The following DGKI variants were observed in gnomAD, a reference collection of about 807,000 sequenced individuals.
DGKI encodes the protein DAG kinase iota.
Under a neutral mutation model 147.5 loss-of-function variants are expected in DGKI, and 55 were observed. That is an observed-to-expected ratio of 0.37 (90% CI 0.30 to 0.47). The LOEUF (loss-of-function observed/expected upper bound fraction) is 0.47, where lower values mean the gene tolerates loss of function less well. Ranked by LOEUF, DGKI falls within the 20% of genes least tolerant of loss-of-function variation. The probability of loss-of-function intolerance (pLI) is 1.00; values close to 1 mark genes in which losing one functional copy is unlikely to be tolerated. For missense variants in DGKI, 1,007 were observed against 1,323.8 expected (o/e 0.76, Z 3.71); for synonymous variants, 469 against 477.1 (o/e 0.98, Z 0.22).
At chr7:137,463,291 A>G (rs1351563473) in intron 27 of DGKI, among the ~76,000 whole-genome samples, 198 bp downstream of exon 27, 1 of 152,176 alleles carries the variant, frequency 6.6e-6, no homozygotes, top group Non-Finnish European at 1.5e-5. Flanking sequence ...AAAGAAATGG[A>G]AGGTGGAGTT....
intron 21 of DGKI, among the ~76,000 whole-genome samples, chr7:137,509,271 A>T (rs1816494210): frequency 6.6e-6 from 1 of 152,198 alleles, no homozygotes. Flanking sequence ...ATTGGGAGTA[A>T]TACGGAAGAC....
intron 28 of DGKI, among the ~76,000 whole-genome samples, chr7:137,433,282 C>G (rs1466819342): frequency 6.6e-6 from 1 of 152,154 alleles, no homozygotes; most frequent in African/African-American, 2.4e-5. Flanking sequence ...TAAGACTAAC[C>G]TTCTAGGAAT....
rs796902464 is a variant in DGKI, at chr7:137,691,798, G to GTTTTTTTTTTTTTTTTTTTT, written c.402-1816_402-1797dup. ...GCTCAGCAAGTGTCTAGACCTTTGG[G>GTTTTTTTTTTTTTTTTTTTT]TTTTTTTTTTTTTTTTTTTTTTTAA... On this transcript the variant is annotated intron_variant, in intron 1 of 32. Transcript: ENST00000614521. Among the ~76,000 whole-genome samples the GTTTTTTTTTTTTTTTTTTTT allele has an allele frequency of 4.8e-4, 46 of 95,810 alleles. 2 individuals carry two copies. The highest frequency in any genetic ancestry group is 7.2e-4 in the Non-Finnish European group (36 of 50,128). 62.9% of individuals were successfully genotyped at this position (95,810 alleles called of 152,430 possible).
At chr7:137,828,998 G>A (rs1306516024) in intron 1 of DGKI, among the ~76,000 whole-genome samples, 2 of 152,022 alleles carry the variant, frequency 1.3e-5, no homozygotes, top group Non-Finnish European at 2.9e-5. Flanking sequence ...CAAATTTTAG[G>A]AATTAATTGC....
rs1563040169 is a variant in DGKI, at chr7:137,472,343, A to AAT, written c.2374-2726_2374-2725dup. ...AATTATTATATGTATATATACATAT[A>AAT]ATTATTATATGTATATATACATATA... On this transcript the variant is annotated intron_variant, in intron 23 of 32. Transcript: ENST00000614521. 1.4e-4 allele frequency among the ~76,000 whole-genome samples: 11 copies of AAT among 78,746 alleles called. 1 individual carries two copies. Among genetic ancestry groups the AAT allele is most frequent in the African/African-American group, 8.5e-4 (11 of 12,964 alleles). 51.7% of individuals were successfully genotyped at this position (78,746 alleles called of 152,430 possible). A position where few individuals can be genotyped will look rare whatever the true frequency, so the allele number is the denominator to read the frequency against.
intron 6 of DGKI, among the ~76,000 whole-genome samples, chr7:137,638,613 C>CATATATGTATATGTGTGTATATATAT (rs1554446609): frequency 6.4e-5 from 1 of 15,746 alleles, no homozygotes; most frequent in African/African-American, 3.8e-4. Context: ...TATATATATA[C>CATATATGTATATGTGTGTATATATAT]ACACACACAT....
chr7:137,517,989 G>C (rs925979969), intron 21 of DGKI, among the ~76,000 whole-genome samples: 2 of 151,982 alleles, frequency 1.3e-5, no homozygotes, highest in Non-Finnish European at 2.9e-5. Context: ...TGAGTTGGAG[G>C]GTGGTGGTGT....
intron 1 of DGKI, among the ~76,000 whole-genome samples, chr7:137,762,413 T>C (rs1184519300): frequency 6.6e-6 from 1 of 152,156 alleles, no homozygotes; most frequent in Non-Finnish European, 1.5e-5. Flanking sequence ...CTTTTTAGAG[T>C]ATCCCTAGAG....
intron 28 of DGKI, among the ~76,000 whole-genome samples, chr7:137,441,442 A>AC (rs1813503512): frequency 6.6e-6 from 1 of 150,818 alleles, no homozygotes; most frequent in Non-Finnish European, 1.5e-5. Flanking sequence ...AAAAAAAAAA[A>AC]ATCAGAAAGT....
rs1462211787 is a variant in DGKI, at chr7:137,395,710, T to C, written c.2958-13A>G. The C allele has an allele frequency of 8.1e-6, 13 of 1,612,672 alleles. No homozygotes were observed. The highest frequency in any genetic ancestry group is 1.1e-5 in the Non-Finnish European group (13 of 1,179,028). ...TGCAGTCTCACCCCTAAATCAAAGA[T>C]GAAATGGGAAACCACCCATAAAGGG... On this transcript the variant is annotated splice_polypyrimidine_tract_variant and intron_variant, in intron 31 of 32. Transcript: ENST00000614521.
At chr7:137,798,812 G>A (rs1229765178) in intron 1 of DGKI, among the ~76,000 whole-genome samples, 2 of 152,112 alleles carry the variant, frequency 1.3e-5, no homozygotes, top group African/African-American at 4.8e-5. Flanking sequence ...TGATCAAGGA[G>A]ATTTTACCCT....
intron 1 of DGKI, among the ~76,000 whole-genome samples, chr7:137,693,632 C>T (rs191348689): frequency 3.6e-4 from 55 of 152,292 alleles, no homozygotes; most frequent in African/African-American, 1.3e-3. Context: ...ATCTTAATTA[C>T]ATTCCAGCCC....
intron 3 of DGKI, among the ~76,000 whole-genome samples, chr7:137,667,768 A>T (rs1484187922): frequency 6.6e-6 from 1 of 152,214 alleles, no homozygotes; most frequent in Non-Finnish European, 1.5e-5. Context: ...TCTTCCAGCC[A>T]ATCTAGTCCA....
intron 28 of DGKI, among the ~76,000 whole-genome samples, chr7:137,429,308 T>C (rs1363925779): frequency 6.6e-6 from 1 of 152,006 alleles, no homozygotes; most frequent in Non-Finnish European, 1.5e-5. Flanking sequence ...GGGGAAAGGA[T>C]TCCCTATTTA....
chr7:137,407,730 A>T, intron 30 of DGKI, 145 bp downstream of exon 30: 1 of 1,049,770 alleles, frequency 9.5e-7, no homozygotes, highest in Non-Finnish European at 1.4e-6. Flanking sequence ...GACTGCCTCA[A>T]ATAAGCAGGG....
At chr7:137,481,477 A>AT (rs1815369282) in intron 23 of DGKI, among the ~76,000 whole-genome samples, 1 of 152,126 alleles carries the variant, frequency 6.6e-6, no homozygotes, top group African/African-American at 2.4e-5. Context: ...CTTGTAAAAC[A>AT]TATTAGTTAC....
intron 6 of DGKI, 37 bp from the exon 7 acceptor site, chr7:137,623,591 C>T: frequency 6.3e-7 from 1 of 1,581,848 alleles, no homozygotes; most frequent in Non-Finnish European, 8.7e-7. Flanking sequence ...AATTTAAAAC[C>T]ACCTCAGTTA....
chr7:137,717,471 T>C (rs1015924086), intron 1 of DGKI, among the ~76,000 whole-genome samples: 1 of 152,216 alleles, frequency 6.6e-6, no homozygotes, highest in Non-Finnish European at 1.5e-5. Flanking sequence ...TTGTAAGTGA[T>C]ATTAACATTT....
chr7:137,493,984 C>G, intron 21 of DGKI: 1 of 547,972 alleles, frequency 1.8e-6, no homozygotes, highest in Non-Finnish European at 3.2e-6. Context: ...TAAGAAATAA[C>G]TAAATTGAGA....
Sources: gnomAD v4.1 joint callset for allele counts (sites outside exome capture counted in the v4.1 genomes callset) on GRCh38, gnomAD v4.1.1 for gene constraint, MANE v1.5 for transcripts, NCBI Gene and HGNC (gene_info 2026-07-23, HGNC 2026-07-21) for gene names.